The following COL23A1 variants were observed in gnomAD, a reference collection of about 807,000 sequenced individuals.
COL23A1 encodes the protein collagen alpha-1(XXIII) chain.
Under a neutral mutation model 99.3 loss-of-function variants are expected in COL23A1, and 97 were observed. The observed-to-expected ratio is 0.98, with a 90% CI of 0.83 to 1.16. The LOEUF is 1.16. Ranked by LOEUF, COL23A1 falls within the 50% of genes most tolerant of loss-of-function variation. The probability of loss-of-function intolerance (pLI) is 0.00; values close to 1 mark genes in which losing one functional copy is unlikely to be tolerated. For missense variants in COL23A1, 762 were observed against 757.4 expected (o/e 1.01, Z -0.07); for synonymous variants, 320 against 308.2 (o/e 1.04, Z -0.40).
At chr5:178,320,025 T>G (rs746857842) in intron 2 of COL23A1, among the ~76,000 whole-genome samples, 1 of 152,244 alleles carries the variant, frequency 6.6e-6, no homozygotes, top group Non-Finnish European at 1.5e-5. Context: ...CATTCCTGCA[T>G]GGCTGAATGC....
chr5:178,267,450 A>G, intron 7 of COL23A1, 117 bp from the exon 8 acceptor site: 1 of 1,014,840 alleles, frequency 9.9e-7, no homozygotes, highest in Non-Finnish European at 1.4e-6. Context: ...TCCAACAAAA[A>G]TAGCAGGCAG....
chr5:178,461,002 G>A (rs1372784524), intron 2 of COL23A1, among the ~76,000 whole-genome samples: 4 of 152,098 alleles, frequency 2.6e-5, no homozygotes, highest in South Asian at 2.1e-4. Flanking sequence ...TGGGAAAGTC[G>A]GATGGCAGCC....
At chr5:178,571,181 A>T (rs115146438) in intron 1 of COL23A1, among the ~76,000 whole-genome samples, 1,687 of 152,178 alleles carry the variant, frequency 0.011, 18 homozygotes, top group Non-Finnish European at 0.017. Flanking sequence ...GGCCAACATG[A>T]TGACACCCAG....
intron 2 of COL23A1, among the ~76,000 whole-genome samples, chr5:178,318,971 G>A (rs893165789): frequency 9.2e-5 from 14 of 151,974 alleles, no homozygotes; most frequent in Non-Finnish European, 1.9e-4. Flanking sequence ...TAAAGAGCCT[G>A]TAGCCAGGTG....
intron 8 of COL23A1, among the ~76,000 whole-genome samples, chr5:178,265,440 G>T (rs1024643114): frequency 2.0e-5 from 3 of 152,198 alleles, no homozygotes; most frequent in Non-Finnish European, 2.9e-5. Flanking sequence ...AAGGGCCTCA[G>T]GCTGGGAACT....
intron 4 of COL23A1, among the ~76,000 whole-genome samples, chr5:178,288,947 T>C (rs1757307812): frequency 6.6e-6 from 1 of 152,196 alleles, no homozygotes; most frequent in Admixed American, 6.5e-5. Flanking sequence ...ATTTGTTTAA[T>C]TCATTTACTA....
chr5:178,348,454 G>A (rs1581197532), intron 2 of COL23A1, among the ~76,000 whole-genome samples: 1 of 152,188 alleles, frequency 6.6e-6, no homozygotes, highest in African/African-American at 2.4e-5. Context: ...GCCCTGTCAT[G>A]CTGCATTCTG....
chr5:178,585,603 A>G (rs78270323), intron 1 of COL23A1, among the ~76,000 whole-genome samples: 27 of 970 alleles, frequency 0.028, 1 homozygote, highest in South Asian at 0.071. Flanking sequence ...CTGGGGTAAC[A>G]CTCCACAGCC....
At chr5:178,296,591 T>C (rs1757758352) in intron 3 of COL23A1, among the ~76,000 whole-genome samples, 1 of 151,940 alleles carries the variant, frequency 6.6e-6, no homozygotes, top group African/African-American at 2.4e-5. Context: ...GAAAGAGCGG[T>C]AATGTGTACT....
chr5:178,251,186 TTGA>T (rs147086941), intron 17 of COL23A1, among the ~76,000 whole-genome samples: 3,487 of 152,040 alleles, frequency 0.023, 129 homozygotes, highest in African/African-American at 0.08. Context: ...CCACACCCAG[TTGA>T]TTTTTGTATT....
chr5:178,590,266 A>G lies in COL23A1; in HGVS notation c.-69T>C. 2.6e-6 allele frequency: 3 copies of G among 1,171,880 alleles called. No homozygotes were observed. Among genetic ancestry groups the G allele is most frequent in the Non-Finnish European group, 3.2e-6 (3 of 946,062 alleles). The allele number at this position is 1,171,880 out of a possible 1,614,324, so 72.6% of individuals were successfully genotyped here. On this transcript the variant is annotated 5_prime_UTR_variant, in exon 1 of 29. Transcript: ENST00000390654. The surrounding 1 kb of genome is among the most constrained non-coding windows in gnomAD (Gnocchi z 5.7). Reference sequence around the variant, plus strand: ...TGGGGCAGAGGCTGGGTGCGAGAGGAGCAGGCGGGACAGCCCGAGGCACGA... The same window carrying G: ...TGGGGCAGAGGCTGGGTGCGAGAGGGGCAGGCGGGACAGCCCGAGGCACGA...
In COL23A1 at chr5:178,248,211, T is replaced by G; in HGVS notation, c.1193A>C (p.Asp398Ala). Residue 398 changes from aspartate (D) to alanine (A), a missense_variant, in exon 20 of 29, where the codon GAC (aspartate) becomes GCC (alanine). Coordinates refer to ENST00000390654, the MANE Select transcript of COL23A1 (RefSeq NM_173465.4). ...LKGEKGESAS[D>A]SLQESLAQLI... ...CCTTACCAGGCTCTCCTGTAGGCTG[T>G]CAGACGCCGACTCCCCCTTCTCCCC... 6.2e-7 allele frequency: 1 copy of G among 1,609,414 alleles called. No individual in the cohort carries two copies. The highest frequency in any genetic ancestry group is 8.5e-7 in the Non-Finnish European group (1 of 1,176,294).
At chr5:178,324,030 CTATTCA>C (rs1298040282) in intron 2 of COL23A1, among the ~76,000 whole-genome samples, 1 of 152,120 alleles carries the variant, frequency 6.6e-6, no homozygotes, top group African/African-American at 2.4e-5. Flanking sequence ...GTCTCTCCAT[CTATTCA>C]GATGCCATTG....
chr5:178,564,075 C>A lies in COL23A1; in HGVS notation c.295-3327G>T, dbSNP rs897409130. On this transcript the variant is annotated intron_variant, in intron 1 of 28. Transcript: ENST00000390654. ...GCTGTCACACTTGGGCTACTGCTAT[C>A]ACATCTGAACCTCTCCCTGAAGGGG... Among the ~76,000 whole-genome samples, 5 of 152,222 alleles carry A rather than the reference C, an allele frequency of 3.3e-5. No homozygotes were observed. In the East Asian group the frequency reaches 7.7e-4, roughly 23 times the overall value.
At chr5:178,420,160 C>T (rs530009484) in intron 2 of COL23A1, among the ~76,000 whole-genome samples, 1 of 152,312 alleles carries the variant, frequency 6.6e-6, no homozygotes, top group African/African-American at 2.4e-5. Flanking sequence ...CTACCGCAGT[C>T]TCGTCACTTA....
chr5:178,480,419 G>C (rs1365045290), intron 2 of COL23A1, among the ~76,000 whole-genome samples: 2 of 152,146 alleles, frequency 1.3e-5, no homozygotes, highest in Non-Finnish European at 2.9e-5. Context: ...TGAAATGCTG[G>C]TGCAGGGCCC....
rs918208895 is a variant in COL23A1 at position 178,306,151 on chromosome 5, T to G, written c.406+724A>C. On this transcript the variant is annotated intron_variant, in intron 3 of 28. Transcript: ENST00000390654. The surrounding 1 kb of genome is among the most constrained non-coding windows in gnomAD (Gnocchi z 4.1). ...ATGGCAAAGGAGCCCGGGTCACAGATGAGGGAGGAAGCGCAGGGAGGAAGC... is the reference window on the plus strand; with the variant it reads ...ATGGCAAAGGAGCCCGGGTCACAGAGGAGGGAGGAAGCGCAGGGAGGAAGC... Among the ~76,000 whole-genome samples the G allele has an allele frequency of 3.3e-5, 5 of 151,044 alleles. No individual in the cohort carries two copies. The highest frequency in any genetic ancestry group is 9.8e-5 in the African/African-American group (4 of 40,948).
intron 2 of COL23A1, among the ~76,000 whole-genome samples, chr5:178,509,631 G>A (rs934076585): frequency 2.0e-5 from 3 of 152,076 alleles, no homozygotes; most frequent in South Asian, 2.1e-4. Flanking sequence ...AATGATCGTG[G>A]GCTTTCCCAC....
At chr5:178,483,709 T>C (rs892841384) in intron 2 of COL23A1, among the ~76,000 whole-genome samples, 1 of 152,276 alleles carries the variant, frequency 6.6e-6, no homozygotes, top group Admixed American at 6.5e-5. Context: ...CTTTGGATTT[T>C]ATTTGGGTTT....
Sources: gnomAD v4.1 joint callset for allele counts (sites outside exome capture counted in the v4.1 genomes callset) on GRCh38, gnomAD v4.1.1 for gene constraint, Gnocchi (gnomAD v3.1) non-coding constraint, MANE v1.5 for transcripts, NCBI Gene and HGNC (gene_info 2026-07-23, HGNC 2026-07-21) for gene names.